DTWD2: variants seen among roughly 807,000 people sequenced by gnomAD.
DTWD2 encodes DTW motif tRNA-uridine aminocarboxypropyltransferase 2.
Under a neutral mutation model 31.8 loss-of-function variants are expected in DTWD2, and 39 were observed. The observed-to-expected ratio is 1.22, with a 90% CI of 0.95 to 1.60. The LOEUF (loss-of-function observed/expected upper bound fraction) is 1.60. Among genes scored for constraint, DTWD2 ranks in the 40% most tolerant of loss-of-function variants. The probability of loss-of-function intolerance (pLI) is 0.00; values close to 1 mark genes in which losing one functional copy is unlikely to be tolerated. For missense variants in DTWD2, 515 were observed against 381.5 expected, an observed-to-expected ratio of 1.35 and a Z score of -2.92; for synonymous variants, 180 against 142.8, an observed-to-expected ratio of 1.26 and a Z score of -1.86.
rs773099647 is a variant in DTWD2 at position 118,944,634 on chromosome 5, C to T, written c.234G>A (p.Val78=). The change falls in exon 2 of 6, where the codon GTG becomes GTA. Residue 78 remains valine (V), a synonymous_variant. Transcript: ENST00000510708. The stretch of plus-strand genomic sequence containing the variant: ...GCGCTGGGAGAAATGGACACAAACA[C>T]ACTTTCTGAGGCCGGCTAAAGGGTA... ...ECTRCSRPQK[V]CLCPFLPAHP... The T allele has an allele frequency of 6.2e-6, 10 of 1,613,240 alleles. No homozygotes were observed. Among genetic ancestry groups the T allele is most frequent in the Non-Finnish European group, 8.5e-6 (10 of 1,179,656 alleles).
intron 4 of DTWD2, among the ~76,000 whole-genome samples, chr5:118,919,752 GTT>G (rs1254301965): frequency 1.3e-5 from 2 of 152,006 alleles, no homozygotes; most frequent in South Asian, 4.2e-4. Context: ...TATCATTCCT[GTT>G]TTTTTCCTAC....
chr5:118,879,498 T>C (rs1397058903), intron 4 of DTWD2, among the ~76,000 whole-genome samples: 1 of 150,454 alleles, frequency 6.6e-6, no homozygotes, highest in African/African-American at 2.5e-5. Flanking sequence ...TAGTCCCAGC[T>C]ACTTGGTAGG....
chr5:118,856,932 C>G (rs928651160), intron 4 of DTWD2, among the ~76,000 whole-genome samples: 3 of 151,608 alleles, frequency 2.0e-5, no homozygotes, highest in African/African-American at 7.3e-5. Context: ...GCCACCACGC[C>G]CAATTAATTT....
chr5:118,965,097 G>A (rs1224234459), intron 1 of DTWD2, among the ~76,000 whole-genome samples: 4 of 151,410 alleles, frequency 2.6e-5, no homozygotes, highest in Non-Finnish European at 4.4e-5. Flanking sequence ...CCGCAACCCC[G>A]TCTGGGAGGT....
At chr5:118,931,711 T>C (rs1753928195) in intron 3 of DTWD2, among the ~76,000 whole-genome samples, 1 of 148,524 alleles carries the variant, frequency 6.7e-6, no homozygotes, top group Non-Finnish European at 1.5e-5. Context: ...AGGATATTGT[T>C]GGCCTGAACA....
intron 4 of DTWD2, among the ~76,000 whole-genome samples, chr5:118,908,072 A>ATT (rs1282855902): frequency 1.3e-5 from 2 of 152,208 alleles, no homozygotes; most frequent in Non-Finnish European, 2.9e-5. Flanking sequence ...TGCACCTCTA[A>ATT]AATTATTTAA....
At chr5:118,944,448 A>C (rs1221620807) in intron 2 of DTWD2, 111 bp downstream of exon 2, 3 of 1,119,990 alleles carry the variant, frequency 2.7e-6, no homozygotes. Context: ...ATTTATCACC[A>C]ACTTCTTTTC....
At chr5:118,961,954 C>A (rs566725228) in intron 1 of DTWD2, among the ~76,000 whole-genome samples, 32 of 152,240 alleles carry the variant, frequency 2.1e-4, no homozygotes, top group Middle Eastern at 3.4e-3. Flanking sequence ...TAAAAATTTT[C>A]TTTGCTGCCA....
intron 4 of DTWD2, among the ~76,000 whole-genome samples, chr5:118,882,030 C>T (rs913714622): frequency 6.6e-6 from 1 of 152,180 alleles, no homozygotes; most frequent in Admixed American, 6.5e-5. Flanking sequence ...AAGTTCAAAG[C>T]CTCATCTGAG....
rs376565235 is a variant in DTWD2 at position 118,836,454 on chromosome 5, G to T, written c.*4463C>A. The stretch of plus-strand genomic sequence containing the variant: ...AGGTTTCACCATCTTGGCCAGGCTG[G>T]TCTTGAACTCCTGACCTCGTGATCT... On this transcript the variant is annotated 3_prime_UTR_variant, in exon 6 of 6. Coordinates refer to ENST00000510708, the MANE Select transcript of DTWD2 (RefSeq NM_173666.4). Among the ~76,000 whole-genome samples the T allele has an allele frequency of 1.2e-4, 18 of 152,032 alleles. No homozygotes were observed. Among genetic ancestry groups the T allele is most frequent in the African/African-American group, 3.6e-4 (15 of 41,374 alleles).
At chr5:118,967,813 A>G (rs1754888115) in intron 1 of DTWD2, among the ~76,000 whole-genome samples, 1 of 152,218 alleles carries the variant, frequency 6.6e-6, no homozygotes. Flanking sequence ...CCATAGCCAT[A>G]ATTGTTGCAG....
At chr5:118,965,920 C>A (rs1044423190) in intron 1 of DTWD2, among the ~76,000 whole-genome samples, 2 of 147,538 alleles carry the variant, frequency 1.4e-5, no homozygotes, top group African/African-American at 5.0e-5. Context: ...GAGAAACACC[C>A]AAGAATGATC....
intron 1 of DTWD2, among the ~76,000 whole-genome samples, chr5:118,956,073 T>C (rs1028225280): frequency 1.3e-5 from 2 of 152,150 alleles, no homozygotes; most frequent in African/African-American, 2.4e-5. Context: ...ATGTCACAGA[T>C]TTTCAATTTC....
At position 118,841,072 on chromosome 5, in the gene DTWD2, G is replaced by A; in HGVS notation, c.742C>T (p.Leu248Phe). ...NYIQETLLRPLQALCSFQLQH... is the reference protein window; with the variant it reads ...NYIQETLLRPFQALCSFQLQH... The stretch of plus-strand genomic sequence containing the variant: ...AGTTGAAAGGAGCATAAAGCTTGAA[G>A]AGGGCGAAGCAAAGTCTGTCAAGAG... Residue 248 changes from leucine (L) to phenylalanine (F), a missense_variant, in exon 6 of 6, where the codon CTT (leucine) becomes TTT (phenylalanine). By Grantham distance (22) the Leu-to-Phe change is conservative. Coordinates refer to ENST00000510708, the MANE Select transcript of DTWD2 (RefSeq NM_173666.4). 1 of 1,612,002 alleles carries A rather than the reference G, an allele frequency of 6.2e-7. No homozygotes were observed. The highest frequency in any genetic ancestry group is 8.5e-7 in the Non-Finnish European group (1 of 1,178,794).
intron 1 of DTWD2, among the ~76,000 whole-genome samples, chr5:118,971,085 G>C (rs1754974758): frequency 1.3e-5 from 2 of 152,140 alleles, no homozygotes. Context: ...AAACAAGTCT[G>C]CAAAATAACC....
chr5:118,968,572 C>A (rs753804700), intron 1 of DTWD2, among the ~76,000 whole-genome samples: 1 of 152,138 alleles, frequency 6.6e-6, no homozygotes, highest in Non-Finnish European at 1.5e-5. Flanking sequence ...AGTGAGTGTG[C>A]GACCCCACCC....
intron 4 of DTWD2, among the ~76,000 whole-genome samples, chr5:118,907,280 C>T (rs1418367280): frequency 2.6e-5 from 4 of 152,144 alleles, no homozygotes; most frequent in Non-Finnish European, 2.9e-5. Flanking sequence ...TTCAACATTT[C>T]AAGTGGTTAT....
chr5:118,850,201 C>T (rs987546089), intron 4 of DTWD2, among the ~76,000 whole-genome samples: 1 of 150,608 alleles, frequency 6.6e-6, no homozygotes, highest in South Asian at 2.1e-4. Context: ...GAGTGGCTCA[C>T]ACCTGTAATC....
intron 4 of DTWD2, among the ~76,000 whole-genome samples, chr5:118,860,155 T>C (rs1318867564): frequency 1.3e-5 from 2 of 149,976 alleles, no homozygotes; most frequent in African/African-American, 2.4e-5. Flanking sequence ...ATATATGTTA[T>C]ATTAGTTATA....
Sources: allele counts gnomAD v4.1 joint callset (sites outside exome capture counted in the v4.1 genomes callset), GRCh38; gene constraint gnomAD v4.1.1; transcripts MANE v1.5; gene names NCBI Gene and HGNC (gene_info 2026-07-23, HGNC 2026-07-21).